PDE10A: variants seen among roughly 807,000 people sequenced by gnomAD.
The protein encoded by PDE10A is phosphodiesterase 10A, also known as cAMP and cAMP-inhibited cGMP 3',5'-cyclic phosphodiesterase 10A.
PDE10A carries 39 observed loss-of-function variants against 97.7 expected under a neutral mutation model. The ratio of observed to expected loss-of-function variants is 0.40; its 90% confidence interval spans 0.31 to 0.52. PDE10A has a LOEUF of 0.52. Ranked by LOEUF, PDE10A falls within the 20% of genes least tolerant of loss-of-function variation. The pLI, the probability that PDE10A is intolerant of heterozygous loss-of-function variation, is 0.56. For missense variants in PDE10A, 731 were observed against 1,047.8 expected, an observed-to-expected ratio of 0.70 and a Z score of 4.17; for synonymous variants, 371 against 376.8, an observed-to-expected ratio of 0.98 and a Z score of 0.18.
rs556051064 is a variant in PDE10A, at chr6:165,366,506, G to A, written c.2783+12688C>T. ...AGAACTAAAAACAAATCTTGAAGAT[G>A]CTGTCTAGTACCTAAAAACTGGCGT... On this transcript the variant is annotated intron_variant, in intron 18 of 21. Transcript: ENST00000539869. Among the ~76,000 whole-genome samples, 4 of 152,264 alleles carry A rather than the reference G, an allele frequency of 2.6e-5. No individual in the cohort carries two copies. In the South Asian group the frequency reaches 8.3e-4, roughly 32 times the overall value.
At chr6:165,789,000 GGC>G (rs1181276168) in intron 1 of PDE10A, among the ~76,000 whole-genome samples, 1 of 152,114 alleles carries the variant, frequency 6.6e-6, no homozygotes, top group Non-Finnish European at 1.5e-5. Flanking sequence ...TCCTGGTGGT[GGC>G]CACAAGGCTG....
intron 1 of PDE10A, among the ~76,000 whole-genome samples, chr6:165,577,547 C>A (rs776491809): frequency 6.6e-6 from 1 of 152,206 alleles, no homozygotes. Context: ...TCTCTGGGTG[C>A]CAAGCCAAGG....
At chr6:165,824,282 C>T (rs6926924) in intron 1 of PDE10A, among the ~76,000 whole-genome samples, 62,998 of 151,890 alleles carry the variant, frequency 0.41, 14,691 homozygotes, top group East Asian at 0.8. Context: ...AAAATTATCA[C>T]ATTTAAATTT....
chr6:165,825,889 C>A (rs1779728280), intron 1 of PDE10A, among the ~76,000 whole-genome samples: 1 of 152,190 alleles, frequency 6.6e-6, no homozygotes, highest in South Asian at 2.1e-4. Context: ...CTTATGAGGA[C>A]CTTCCATACA....
chr6:165,697,405 A>G (rs1253735460), intron 1 of PDE10A, among the ~76,000 whole-genome samples: 1 of 152,216 alleles, frequency 6.6e-6, no homozygotes, highest in African/African-American at 2.4e-5. Flanking sequence ...AAGCTGTAAT[A>G]AAAAACTAAA....
chr6:165,598,585 G>A (rs1282623456), intron 1 of PDE10A, among the ~76,000 whole-genome samples: 3 of 152,082 alleles, frequency 2.0e-5, no homozygotes, highest in Non-Finnish European at 4.4e-5. Context: ...GTAAAATGGT[G>A]ATAATAATAG....
chr6:165,717,090 T>C (rs1792043283), intron 1 of PDE10A, among the ~76,000 whole-genome samples: 3 of 152,326 alleles, frequency 2.0e-5, no homozygotes, highest in South Asian at 2.1e-4. Flanking sequence ...GAATGCACAG[T>C]ATTTGTTTTT....
At chr6:165,887,629 T>G (rs2874947) in intron 1 of PDE10A, among the ~76,000 whole-genome samples, 38,006 of 152,028 alleles carry the variant, frequency 0.25, 5,603 homozygotes, top group African/African-American at 0.41. Context: ...TGCTTAGAGT[T>G]ATCTGGAAAA....
intron 1 of PDE10A, among the ~76,000 whole-genome samples, chr6:165,730,062 T>A (rs1258108146): frequency 6.6e-6 from 1 of 152,104 alleles, no homozygotes; most frequent in Non-Finnish European, 1.5e-5. Context: ...TGAATACATA[T>A]GTGTATCTAT....
chr6:165,540,142 C>T (rs902809996), intron 2 of PDE10A, among the ~76,000 whole-genome samples: 3 of 152,104 alleles, frequency 2.0e-5, no homozygotes, highest in Admixed American at 6.5e-5. Context: ...CTATGATGCA[C>T]GCAGTTCATG....
At chr6:165,832,672 A>G (rs990245457) in intron 1 of PDE10A, among the ~76,000 whole-genome samples, 5 of 152,212 alleles carry the variant, frequency 3.3e-5, no homozygotes, top group African/African-American at 1.2e-4. Flanking sequence ...GGTGTGGATG[A>G]GCCCAGCTAG....
At position 165,456,434 on chromosome 6, in the gene PDE10A, G is replaced by T. The variant is rs764856673; in HGVS notation, c.1024-6072C>A. Reference sequence around the variant, plus strand: ...TTCAGGCTCCACACAAATGATACACGGCTGACTCCTTCCTCTTAGCATATA... The same window carrying T: ...TTCAGGCTCCACACAAATGATACACTGCTGACTCCTTCCTCTTAGCATATA... On this transcript the variant is annotated intron_variant, in intron 3 of 21. Coordinates refer to ENST00000539869, the MANE Select transcript of PDE10A (RefSeq NM_001385079.1). 7.2e-5 allele frequency among the ~76,000 whole-genome samples: 11 copies of T among 152,228 alleles called. No homozygotes were observed. In the South Asian group the frequency reaches 1.2e-3, roughly 17 times the overall value.
chr6:165,678,199 A>C (rs62424896), intron 1 of PDE10A, among the ~76,000 whole-genome samples: 1 of 112,422 alleles, frequency 8.9e-6, no homozygotes, highest in Non-Finnish European at 1.9e-5. Flanking sequence ...CTGTGTATGT[A>C]TATGTGTGTC....
Position 165,713,570 on chromosome 6 carries a change from A to G in PDE10A, c.-614-170002T>C, listed in dbSNP as rs1562699539. On this transcript the variant is annotated intron_variant, in intron 1 of 19. Coordinates refer to the PDE10A transcript ENST00000366882. ...GGCAGCAAGGGCTTGGGACCAGGAGAGGAGGGAGGGTGGCTGACAGATAAG... is the reference window on the plus strand; with the variant it reads ...GGCAGCAAGGGCTTGGGACCAGGAGGGGAGGGAGGGTGGCTGACAGATAAG... Among the ~76,000 whole-genome samples, 2 of 152,168 alleles carry G rather than the reference A, an allele frequency of 1.3e-5. 1 individual carries two copies. The highest frequency in any genetic ancestry group is 1.3e-4 in the Admixed American group (2 of 15,274).
At chr6:165,540,142 C>A (rs902809996) in intron 2 of PDE10A, among the ~76,000 whole-genome samples, 1 of 152,104 alleles carries the variant, frequency 6.6e-6, no homozygotes, top group Admixed American at 6.5e-5. Flanking sequence ...CTATGATGCA[C>A]GCAGTTCATG....
At chr6:165,372,923 T>C (rs375967835) in intron 18 of PDE10A, among the ~76,000 whole-genome samples, 1 of 151,442 alleles carries the variant, frequency 6.6e-6, no homozygotes, top group Non-Finnish European at 1.5e-5. Flanking sequence ...GAAATAACGC[T>C]GCATATCTAC....
At chr6:165,702,651 C>A (rs1253980701) in intron 1 of PDE10A, among the ~76,000 whole-genome samples, 1 of 152,144 alleles carries the variant, frequency 6.6e-6, no homozygotes, top group Non-Finnish European at 1.5e-5. Flanking sequence ...CTGAGAAGCA[C>A]CAAGAGATTC....
chr6:165,925,907 A>G (rs921252690), intron 1 of PDE10A, among the ~76,000 whole-genome samples: 22 of 152,184 alleles, frequency 1.4e-4, no homozygotes, highest in Admixed American at 5.9e-4. Flanking sequence ...TGGTGGATGG[A>G]TTTTATCAAT....
At chr6:165,590,433 T>C (rs1413051418) in intron 1 of PDE10A, among the ~76,000 whole-genome samples, 1 of 152,148 alleles carries the variant, frequency 6.6e-6, no homozygotes, top group Admixed American at 6.6e-5. Context: ...CTGAATCAAG[T>C]TGAACCATAA....
Sources: gnomAD v4.1 joint callset for allele counts (sites outside exome capture counted in the v4.1 genomes callset) on GRCh38, gnomAD v4.1.1 for gene constraint, MANE v1.5 for transcripts, NCBI Gene and HGNC (gene_info 2026-07-23, HGNC 2026-07-21) for gene names.